Variants in GPHN observed in about 807,000 individuals in gnomAD.
GPHN encodes gephyrin.
GPHN carries 17 observed loss-of-function variants against 95.5 expected under a neutral mutation model. The observed-to-expected ratio is 0.18, with a 90% confidence interval of 0.12 to 0.27. The LOEUF (loss-of-function observed/expected upper bound fraction) is 0.27. Among genes scored for constraint, GPHN ranks in the 10% least tolerant of loss-of-function variants. The probability of loss-of-function intolerance (pLI) is 1.00; values close to 1 mark genes in which losing one functional copy is unlikely to be tolerated. For synonymous variants in GPHN, 320 were observed against 322.5 expected (o/e 0.99, Z 0.08); for missense variants, 660 against 978.1 (o/e 0.67, Z 4.34).
chr14:67,565,785 A>T, the GPHN span, among the ~76,000 whole-genome samples: 2 of 151,826 alleles, frequency 1.3e-5, no homozygotes, highest in African/African-American at 4.8e-5. Context: ...TGCTCGGGAG[A>T]CCTGTATTTC....
chr14:67,292,920 T>C, the GPHN span, among the ~76,000 whole-genome samples: 3 of 152,168 alleles, frequency 2.0e-5, no homozygotes, highest in Non-Finnish European at 4.4e-5. Context: ...GTCAGAACAC[T>C]GTTTCATGAA....
rs1212328943 is a variant in GPHN at position 67,065,422 on chromosome 14, G to A, written c.1144+6636G>A. Among the ~76,000 whole-genome samples the A allele has an allele frequency of 2.6e-5, 4 of 152,162 alleles. No individual in the cohort carries two copies. In the South Asian group the frequency reaches 6.2e-4, roughly 24 times the overall value. On this transcript the variant is annotated intron_variant, in intron 11 of 22. Transcript: ENST00000478722. ...ACTGTATATTCTGTTGATTTGGGGT[G>A]GAGAACTCTGTAGATGTCTATTAGG...
the GPHN span, chr14:67,725,162 G>C: frequency 6.2e-7 from 1 of 1,614,134 alleles, no homozygotes; most frequent in Non-Finnish European, 8.5e-7. Flanking sequence ...AGTGAAATCC[G>C]AGTGGATACA....
intron 12 of GPHN, among the ~76,000 whole-genome samples, chr14:67,097,416 T>C (rs1158240304): frequency 6.6e-6 from 1 of 152,190 alleles, no homozygotes; most frequent in African/African-American, 2.4e-5. Flanking sequence ...GTATAAGATA[T>C]AAGGAAGACA....
chr14:67,132,993 T>G (rs2079819146), intron 17 of GPHN, among the ~76,000 whole-genome samples: 2 of 152,078 alleles, frequency 1.3e-5, no homozygotes, highest in Admixed American at 1.3e-4. Context: ...GCTTATAAAC[T>G]TAAAGGCAAG....
chr14:67,321,118 G>A, the GPHN span: 2 of 1,614,170 alleles, frequency 1.2e-6, no homozygotes, highest in Non-Finnish European at 8.5e-7. Flanking sequence ...TTGTTTCGCG[G>A]CAAGCATTCG....
chr14:67,134,953 C>CTTCTTTTTTTTTTTTTTTTTTTTTT (rs573340363), intron 17 of GPHN, among the ~76,000 whole-genome samples: 4 of 45,252 alleles, frequency 8.8e-5, no homozygotes, highest in Non-Finnish European at 1.3e-4. Context: ...TTTCTTTCTT[C>CTTCTTTTTTTTTTTTTTTTTTTTTT]TTTTTTTTTT....
the GPHN span, chr14:67,662,902 C>CAAAAAAA: frequency 3.3e-6 from 3 of 899,742 alleles, no homozygotes; most frequent in African/African-American, 2.2e-5. Flanking sequence ...GACTCTGTCT[C>CAAAAAAA]AAAAAAAAAA....
chr14:67,619,633 G>A, the GPHN span, among the ~76,000 whole-genome samples: 1 of 152,262 alleles, frequency 6.6e-6, no homozygotes, highest in Non-Finnish European at 1.5e-5. Context: ...GCCGCCTCCC[G>A]CGAAGGGACA....
the GPHN span, among the ~76,000 whole-genome samples, chr14:67,321,658 G>A: frequency 6.6e-6 from 1 of 151,992 alleles, no homozygotes; most frequent in Non-Finnish European, 1.5e-5. Context: ...TTTTCCTGGG[G>A]ATATTGAATA....
At chr14:66,636,149 A>G (rs2064084576) in intron 1 of GPHN, among the ~76,000 whole-genome samples, 1 of 152,166 alleles carries the variant, frequency 6.6e-6, no homozygotes, top group Non-Finnish European at 1.5e-5. Flanking sequence ...AAACTCCATT[A>G]GAGTTTCATT....
the GPHN span, chr14:67,714,983 T>G: frequency 6.6e-6 from 1 of 152,266 alleles, no homozygotes; most frequent in Admixed American, 6.5e-5. Context: ...AAAGGCAAGA[T>G]TCTTGCTGAG....
chr14:67,509,108 T>C, the GPHN span, among the ~76,000 whole-genome samples: 3 of 152,052 alleles, frequency 2.0e-5, no homozygotes, highest in Non-Finnish European at 4.4e-5. Context: ...GAGGAAAATT[T>C]TGGTTTCAAA....
intron 12 of GPHN, among the ~76,000 whole-genome samples, chr14:67,097,256 G>T (rs919687613): frequency 1.3e-5 from 2 of 152,126 alleles, no homozygotes; most frequent in African/African-American, 2.4e-5. Flanking sequence ...TGACACTTGA[G>T]CTGAGTCTTA....
chr14:67,722,647 T>C, the GPHN span: 2 of 1,613,868 alleles, frequency 1.2e-6, no homozygotes. Context: ...GGAACGATGC[T>C]GGTCACCTTG....
chr14:66,516,861 G>C (rs190393368), intron 1 of GPHN, among the ~76,000 whole-genome samples: 1 of 152,276 alleles, frequency 6.6e-6, no homozygotes, highest in Non-Finnish European at 1.5e-5. Flanking sequence ...GCCAGGCACA[G>C]GGGCTCACGC....
the GPHN span, chr14:67,397,650 G>A: frequency 3.7e-6 from 6 of 1,604,092 alleles, no homozygotes; most frequent in South Asian, 6.8e-5. Flanking sequence ...GACAGCAGGG[G>A]CCATCACTTA....
At chr14:66,928,293 A>T (rs1398267549) in intron 8 of GPHN, among the ~76,000 whole-genome samples, 1 of 152,152 alleles carries the variant, frequency 6.6e-6, no homozygotes, top group Non-Finnish European at 1.5e-5. Context: ...CACTACTTCT[A>T]GGTTTTCCAA....
At chr14:66,582,320 A>T (rs1402714671) in intron 1 of GPHN, among the ~76,000 whole-genome samples, 1 of 152,128 alleles carries the variant, frequency 6.6e-6, no homozygotes, top group African/African-American at 2.4e-5. Context: ...GAAATTAAAA[A>T]TATCTTGAGA....
Sources: gnomAD v4.1 joint callset for allele counts (sites outside exome capture counted in the v4.1 genomes callset) on GRCh38, gnomAD v4.1.1 for gene constraint, MANE v1.5 for transcripts, NCBI Gene and HGNC (gene_info 2026-07-23, HGNC 2026-07-21) for gene names.